Variants in OSBPL11 observed in about 807,000 individuals in gnomAD.
The protein encoded by OSBPL11 is oxysterol-binding protein-related protein 11.
Under a neutral mutation model 84.4 loss-of-function variants are expected in OSBPL11, and 33 were observed. That is an observed-to-expected ratio of 0.39 (90% CI 0.30 to 0.52). The LOEUF (loss-of-function observed/expected upper bound fraction) is 0.52, where lower values mean the gene tolerates loss of function less well. Ranked by LOEUF, OSBPL11 falls within the 20% of genes least tolerant of loss-of-function variation. The pLI is 0.72. For missense variants in OSBPL11, 736 were observed against 901.1 expected, an observed-to-expected ratio of 0.82 and a Z score of 2.35; for synonymous variants, 276 against 310.2, an observed-to-expected ratio of 0.89 and a Z score of 1.16.
At chr3:125,553,111 TAAC>T (rs534883524) in intron 8 of OSBPL11, among the ~76,000 whole-genome samples, 26 of 152,140 alleles carry the variant, frequency 1.7e-4, no homozygotes, top group South Asian at 6.2e-4. Context: ...GACCCTGTCT[TAAC>T]AACAACAACA....
Position 125,583,965 on chromosome 3 carries a change from C to T in OSBPL11, c.165-987G>A, listed in dbSNP as rs112547427. On this transcript the variant is annotated intron_variant, in intron 1 of 12. Coordinates refer to ENST00000296220, the MANE Select transcript of OSBPL11 (RefSeq NM_022776.5). ...CCCCAGGCTTCAGGCTTAAGCAGCT[C>T]TTTGAGGCCATAGAAAACCCAATGC... Among the ~76,000 whole-genome samples, 1,376 of 152,200 alleles carry T rather than the reference C, an allele frequency of 9.0e-3. 15 individuals are homozygous for T. Among genetic ancestry groups the T allele is most frequent in the African/African-American group, 0.031 (1,282 of 41,542 alleles).
rs59967201 is a variant in OSBPL11, at chr3:125,573,110, A to G, written c.666+3079T>C. On this transcript the variant is annotated intron_variant, in intron 5 of 12. Transcript: ENST00000296220. ...TAAAAGTTGGTAATGGCTGTCTCCA[A>G]AACAAATTAGCTAATCAAATATATT... Among the ~76,000 whole-genome samples the G allele has an allele frequency of 5.3e-5, 8 of 151,792 alleles. No homozygotes were observed. The East Asian group carries it at 9.6e-4, about 18-fold the overall frequency.
rs772267482 is a variant in OSBPL11 at position 125,552,667 on chromosome 3, T to C, written c.1168A>G (p.Thr390Ala). Residue 390 changes from threonine (T) to alanine (A), a missense_variant, in exon 9 of 13, where the codon ACA becomes GCA. Coordinates refer to ENST00000296220, the MANE Select transcript of OSBPL11 (RefSeq NM_022776.5). ...GMDLTRVVLP[T>A]FILEKRSLLE... ...AAGGAACGCTTCTCTAGGATAAATG[T>C]AGGAAGCACCACCTAAAACAACAAT... The C allele has an allele frequency of 2.7e-5, 44 of 1,611,814 alleles. No individual in the cohort carries two copies. In the Admixed American group the frequency reaches 6.5e-4, roughly 24 times the overall value.
intron 5 of OSBPL11, among the ~76,000 whole-genome samples, chr3:125,575,180 C>T (rs1936303267): frequency 6.6e-6 from 1 of 151,706 alleles, no homozygotes; most frequent in Non-Finnish European, 1.5e-5. Flanking sequence ...TATATATATT[C>T]TATATGTTCT....
chr3:125,564,519 T>C (rs1936128047), intron 6 of OSBPL11, among the ~76,000 whole-genome samples: 1 of 152,222 alleles, frequency 6.6e-6, no homozygotes, highest in Non-Finnish European at 1.5e-5. Context: ...GTGGATTCTA[T>C]GCCTAATCAA....
intron 1 of OSBPL11, among the ~76,000 whole-genome samples, chr3:125,583,276 A>G (rs1936455949): frequency 6.6e-6 from 1 of 152,016 alleles, no homozygotes; most frequent in African/African-American, 2.4e-5. Flanking sequence ...AAACAAATAT[A>G]CTATAAGTAT....
Position 125,552,231 on chromosome 3 carries a change from G to A in OSBPL11, c.1604C>T (p.Thr535Ile). Residue 535 changes from threonine to isoleucine, a missense_variant, in exon 9 of 13, where the codon ACT becomes ATT. By Grantham distance (89) the Thr-to-Ile change is moderately conservative (BLOSUM62 -1). Coordinates refer to ENST00000296220, the MANE Select transcript of OSBPL11 (RefSeq NM_022776.5). The part of the protein sequence containing the change: ...RKMCVNAHVW[T>I]KSKFLGMSIG... ...TGACATGCCTAAGAACTTGCTCTTAGTCCAGACATGCGCATTTACACACAT... is the reference window on the plus strand; with the variant it reads ...TGACATGCCTAAGAACTTGCTCTTAATCCAGACATGCGCATTTACACACAT... 1.2e-6 allele frequency: 2 copies of A among 1,613,486 alleles called. No individual in the cohort carries two copies. Among genetic ancestry groups the A allele is most frequent in the Non-Finnish European group, 1.7e-6 (2 of 1,179,902 alleles).
At chr3:125,590,409 G>T (rs1435310896) in intron 1 of OSBPL11, among the ~76,000 whole-genome samples, 2 of 152,116 alleles carry the variant, frequency 1.3e-5, no homozygotes, top group Admixed American at 1.3e-4. Context: ...AATCAGCCGG[G>T]TGTGGTGGCA....
intron 8 of OSBPL11, among the ~76,000 whole-genome samples, chr3:125,554,825 A>G (rs560911981): frequency 6.6e-6 from 1 of 152,288 alleles, no homozygotes; most frequent in South Asian, 2.1e-4. Context: ...GAGAAAAAGA[A>G]AAGTATGAGA....
intron 1 of OSBPL11, among the ~76,000 whole-genome samples, chr3:125,583,315 T>G (rs1296144164): frequency 1.3e-5 from 2 of 152,000 alleles, no homozygotes; most frequent in Non-Finnish European, 2.9e-5. Context: ...GCACAGTGGC[T>G]CGAACCTGTA....
chr3:125,594,765 G>A lies in OSBPL11; in HGVS notation c.36C>T (p.Val12=), dbSNP rs549739778. 9.3e-6 allele frequency: 15 copies of A among 1,614,140 alleles called. No homozygotes were observed. Among genetic ancestry groups the A allele is most frequent in the South Asian group, 6.6e-5 (6 of 91,082 alleles). The change falls in exon 1 of 13, where the codon GTC becomes GTT. Residue 12 remains valine, a synonymous_variant. Coordinates refer to ENST00000296220, the MANE Select transcript of OSBPL11 (RefSeq NM_022776.5). ...QGGEPVSTMK[V]SESEGKLEGQ... is the part of the protein sequence containing the mutation. ...CCTCCAGCTTTCCTTCGCTCTCCGA[G>A]ACTTTCATTGTGGACACTGGTTCAC...
At chr3:125,556,562 G>A (rs1935993889) in intron 8 of OSBPL11, among the ~76,000 whole-genome samples, 1 of 152,160 alleles carries the variant, frequency 6.6e-6, no homozygotes, top group African/African-American at 2.4e-5. Context: ...ATATTTTACA[G>A]GACTCACAAC....
chr3:125,573,620 T>G (rs1204262258), intron 5 of OSBPL11, among the ~76,000 whole-genome samples: 1 of 152,112 alleles, frequency 6.6e-6, no homozygotes, highest in African/African-American at 2.4e-5. Flanking sequence ...CCCAGCACTT[T>G]GGGAGGCCGA....
chr3:125,580,007 C>A lies in OSBPL11; in HGVS notation c.267G>T (p.Leu89Phe). 1 of 1,613,502 alleles carries A rather than the reference C, an allele frequency of 6.2e-7. No homozygotes were observed. Among genetic ancestry groups the A allele is most frequent in the Non-Finnish European group, 8.5e-7 (1 of 1,179,854 alleles). Residue 89 changes from leucine (L) to phenylalanine (F), a missense_variant, in exon 3 of 13, where the codon TTG (leucine) becomes TTT (phenylalanine). Physicochemically the swap from Leu to Phe is conservative, Grantham distance 22. Transcript: ENST00000296220. ...TAGACTGTTCATTCACAAAGTACTC[C>A]AACAGCCCAGCTTCATTGTTTAAAA... ...FFVLNNEAGL[L>F]EYFVNEQSRN...
intron 5 of OSBPL11, among the ~76,000 whole-genome samples, chr3:125,570,173 T>A (rs1936222117): frequency 6.6e-6 from 1 of 151,706 alleles, no homozygotes; most frequent in East Asian, 1.9e-4. Flanking sequence ...CTGCTAGTAA[T>A]GGTGTTAGAA....
At position 125,595,355 on chromosome 3, in the gene OSBPL11, A is replaced by G. The variant is rs1936668513; in HGVS notation, c.-555T>C. Among the ~76,000 whole-genome samples, 1 of 151,420 alleles carries G rather than the reference A, an allele frequency of 6.6e-6. No homozygotes were observed. The highest frequency in any genetic ancestry group is 2.4e-5 in the African/African-American group (1 of 41,100). On this transcript the variant is annotated 5_prime_UTR_variant, in exon 1 of 13. Transcript: ENST00000296220. ...GGGGAATGAGGCCGCCGGGGGCGGGACGCCGGCTCCCGGGGCCGCCTCTCC... is the reference window on the plus strand; with the variant it reads ...GGGGAATGAGGCCGCCGGGGGCGGGGCGCCGGCTCCCGGGGCCGCCTCTCC...
At chr3:125,583,581 CAAAAAAAAAAA>C (rs57151123) in intron 1 of OSBPL11, among the ~76,000 whole-genome samples, 99 of 44,952 alleles carry the variant, frequency 2.2e-3, no homozygotes, top group African/African-American at 6.5e-3. Context: ...ACTCCGTCTC[CAAAAAAAAAAA>C]AAAAAAAAAA....
At chr3:125,553,405 T>C (rs1935943342) in intron 8 of OSBPL11, among the ~76,000 whole-genome samples, 1 of 152,194 alleles carries the variant, frequency 6.6e-6, no homozygotes, top group African/African-American at 2.4e-5. Flanking sequence ...AACTGCAACA[T>C]ATATTTAATC....
At position 125,538,443 on chromosome 3, in the gene OSBPL11, T is replaced by A. The variant is rs1281380237; in HGVS notation, c.2024+8A>T. 1 of 1,611,654 alleles carries A rather than the reference T, an allele frequency of 6.2e-7. No homozygotes were observed. The highest frequency in any genetic ancestry group is 1.1e-5 in the South Asian group (1 of 90,662). On this transcript the variant is annotated splice_region_variant and intron_variant, in intron 11 of 12. Coordinates refer to ENST00000296220, the MANE Select transcript of OSBPL11 (RefSeq NM_022776.5). ...ACTCTTTCCTGGATAGATGCAAGGATGACATACCTGGATTCAAATGGATCC... is the reference window on the plus strand; with the variant it reads ...ACTCTTTCCTGGATAGATGCAAGGAAGACATACCTGGATTCAAATGGATCC...
Sources: allele counts gnomAD v4.1 joint callset (sites outside exome capture counted in the v4.1 genomes callset), GRCh38; gene constraint gnomAD v4.1.1; transcripts MANE v1.5; gene names NCBI Gene and HGNC (gene_info 2026-07-23, HGNC 2026-07-21).